The following SPON1 variants were observed in gnomAD, a reference collection of about 807,000 sequenced individuals.
SPON1 encodes the protein spondin-1.
A neutral mutation model predicts 111.7 loss-of-function variants in SPON1; 52 were observed. The ratio of observed to expected loss-of-function variants is 0.47; its 90% CI spans 0.37 to 0.59. The LOEUF (loss-of-function observed/expected upper bound fraction) is 0.59. Ranked by LOEUF, SPON1 falls within the 20% of genes least tolerant of loss-of-function variation. The probability of loss-of-function intolerance (pLI) is 0.00; values close to 1 mark genes in which losing one functional copy is unlikely to be tolerated. For missense variants in SPON1, 957 were observed against 1,068.5 expected (o/e 0.90, Z 1.46); for synonymous variants, 410 against 395.8 (o/e 1.04, Z -0.43).
rs782141640 is a variant in SPON1 at position 14,259,561 on chromosome 11, G to A, written c.1691G>A (p.Trp564Ter). 6.4e-7 allele frequency: 1 copy of A among 1,553,832 alleles called. No homozygotes were observed. The highest frequency in any genetic ancestry group is 1.2e-5 in the South Asian group (1 of 84,170). Residue 564 changes from tryptophan (W) to a stop codon, truncating the protein, a stop_gained, in exon 13 of 16, where the codon TGG becomes TAG. Transcript: ENST00000576479. LOFTEE classifies it high-confidence loss of function. The surrounding 1 kb of genome is among the most constrained non-coding windows in gnomAD (Gnocchi z 5.0). Reference protein sequence around the residue: ...CSPSSCLMTEWGEWDECSATC... With the variant: ...CSPSSCLMTE ...CCCAGCAGCTGCCTGATGACCGAGT[G>A]GGGCGAGTGGGACGAGTGCAGCGCC...
At chr11:14,172,462 T>C (rs11529557) in intron 6 of SPON1, among the ~76,000 whole-genome samples, 3 of 151,768 alleles carry the variant, frequency 2.0e-5, no homozygotes, top group East Asian at 1.9e-4. Flanking sequence ...CCAGTCTGTG[T>C]CTTTTAATTG....
chr11:14,040,505 G>A (rs190105938), intron 2 of SPON1, among the ~76,000 whole-genome samples: 4 of 152,208 alleles, frequency 2.6e-5, no homozygotes, highest in Admixed American at 6.5e-5. Flanking sequence ...AAGATAAAAA[G>A]TAATAGAAAA....
chr11:13,968,938 A>C (rs1426904490), intron 1 of SPON1, among the ~76,000 whole-genome samples: 1 of 152,124 alleles, frequency 6.6e-6, no homozygotes, highest in Non-Finnish European at 1.5e-5. Context: ...AAGATGAAAC[A>C]AAGTAAATTT....
rs1554925663 is a variant in SPON1 at position 14,113,583 on chromosome 11, T to A, written c.677-21837T>A. ...TACTTTTTAAATTTTTTTTTTTTTTTTTTTTTTTTTTTTTTTTTTTTTTTT... is the reference window on the plus strand; with the variant it reads ...TACTTTTTAAATTTTTTTTTTTTTTATTTTTTTTTTTTTTTTTTTTTTTTT... On this transcript the variant is annotated intron_variant, in intron 5 of 15. Transcript: ENST00000576479. Among the ~76,000 whole-genome samples the A allele has an allele frequency of 2.4e-3, 61 of 25,756 alleles. 8 individuals are homozygous for A. The highest frequency in any genetic ancestry group is 6.5e-3 in the East Asian group (3 of 462). 16.9% of individuals were successfully genotyped at this position (25,756 alleles called of 152,430 possible). A position where few individuals can be genotyped will look rare whatever the true frequency, so the allele number is the denominator to read the frequency against.
intron 2 of SPON1, among the ~76,000 whole-genome samples, chr11:14,017,259 A>G (rs1313104378): frequency 2.0e-5 from 3 of 152,340 alleles, no homozygotes; most frequent in African/African-American, 7.2e-5. Flanking sequence ...TTGAGTTGAA[A>G]GCCATGGAGG....
At chr11:14,239,781 G>A (rs893554733) in intron 6 of SPON1, among the ~76,000 whole-genome samples, 1 of 152,170 alleles carries the variant, frequency 6.6e-6, no homozygotes, top group Non-Finnish European at 1.5e-5. Flanking sequence ...ATGACCTCAG[G>A]TATGATTCCA....
chr11:14,152,011 G>T (rs1399271875), intron 6 of SPON1, among the ~76,000 whole-genome samples: 10 of 152,020 alleles, frequency 6.6e-5, no homozygotes, highest in African/African-American at 2.4e-4. Flanking sequence ...TGCCTCCTTG[G>T]ATCTTCCAGA....
chr11:14,088,554 G>A (rs1285629212), intron 5 of SPON1, among the ~76,000 whole-genome samples: 1 of 151,954 alleles, frequency 6.6e-6, no homozygotes, highest in African/African-American at 2.4e-5. Context: ...CTCTCTGGCT[G>A]CCCTTAACAT....
At chr11:14,206,608 G>A (rs1442973474) in intron 6 of SPON1, among the ~76,000 whole-genome samples, 1 of 152,066 alleles carries the variant, frequency 6.6e-6, no homozygotes, top group African/African-American at 2.4e-5. Context: ...CAATAAAAGT[G>A]TTCCTCATAT....
rs147836099 is a variant in SPON1, at chr11:14,192,818, A to G, written c.826-50514A>G. ...GGAGAACATCAAATTCTAGTCCAAT[A>G]TAGTCCAAACTGAGGAATAAAATGA... is the stretch of plus-strand genomic sequence containing the variant. On this transcript the variant is annotated intron_variant, in intron 6 of 15. Coordinates refer to ENST00000576479, the MANE Select transcript of SPON1 (RefSeq NM_006108.4). Among the ~76,000 whole-genome samples the G allele has an allele frequency of 5.3e-4, 80 of 151,148 alleles. 1 individual carries two copies. The East Asian group carries it at 0.015, about 29-fold the overall frequency.
chr11:14,092,124 C>A (rs1006913618), intron 5 of SPON1, among the ~76,000 whole-genome samples: 1 of 152,186 alleles, frequency 6.6e-6, no homozygotes, highest in Non-Finnish European at 1.5e-5. Flanking sequence ...TGTTCCTATT[C>A]GGCCATCTTG....
At chr11:13,983,049 C>A in intron 2 of SPON1, 96 bp downstream of exon 2, 3 of 797,792 alleles carry the variant, frequency 3.8e-6, no homozygotes, top group Non-Finnish European at 2.0e-6. Context: ...CCATGCAGTC[C>A]CTTGACCGTT....
chr11:13,963,242 T>G, intron 1 of SPON1, 100 bp downstream of exon 1: 1 of 902,228 alleles, frequency 1.1e-6, no homozygotes, highest in South Asian at 2.0e-5. Context: ...TCCGGGCGCG[T>G]GGCGCGGGTG....
intron 5 of SPON1, among the ~76,000 whole-genome samples, chr11:14,081,319 G>C (rs1267282610): frequency 3.3e-5 from 5 of 152,200 alleles, no homozygotes; most frequent in African/African-American, 1.2e-4. Context: ...TCAGCGGCTA[G>C]TGGAGAGACA....
intron 2 of SPON1, among the ~76,000 whole-genome samples, chr11:14,037,884 A>G: frequency 6.6e-6 from 1 of 152,208 alleles, no homozygotes; most frequent in Non-Finnish European, 1.5e-5. Flanking sequence ...AAAACTCAAC[A>G]TTAAGGGCCA....
At chr11:14,164,058 A>C (rs1434163291) in intron 6 of SPON1, among the ~76,000 whole-genome samples, 6 of 152,114 alleles carry the variant, frequency 3.9e-5, no homozygotes, top group Non-Finnish European at 5.9e-5. Flanking sequence ...TTCTGGAAAA[A>C]CTGTTAAAAT....
intron 6 of SPON1, among the ~76,000 whole-genome samples, chr11:14,164,945 T>G (rs144084982): frequency 1.5e-3 from 221 of 152,254 alleles, no homozygotes; most frequent in African/African-American, 4.2e-3. Flanking sequence ...ATCAAGTGCA[T>G]GGTCTGCAAA....
At chr11:14,146,265 T>C (rs759535282) in intron 6 of SPON1, among the ~76,000 whole-genome samples, 50 of 151,478 alleles carry the variant, frequency 3.3e-4, no homozygotes, top group Non-Finnish European at 5.6e-4. Context: ...TTCTCCTGCC[T>C]CAGCTTCCCG....
intron 6 of SPON1, among the ~76,000 whole-genome samples, chr11:14,145,678 A>G (rs745402390): frequency 5.9e-5 from 9 of 152,206 alleles, no homozygotes; most frequent in Non-Finnish European, 1.0e-4. Context: ...AAATAATTCT[A>G]TATCTAGGAA....
Sources: allele counts gnomAD v4.1 joint callset (sites outside exome capture counted in the v4.1 genomes callset), GRCh38; gene constraint gnomAD v4.1.1; non-coding constraint Gnocchi (gnomAD v3.1); transcripts MANE v1.5; gene names NCBI Gene and HGNC (gene_info 2026-07-23, HGNC 2026-07-21).